Variants in FAAH2 observed in about 807,000 individuals in gnomAD.
FAAH2 encodes the protein fatty-acid amide hydrolase 2.
FAAH2 carries 60 observed loss-of-function variants against 36.9 expected under a neutral mutation model. The observed-to-expected ratio is 1.63, with a 90% CI of 1.32 to 2.02. FAAH2 has a LOEUF of 2.02. FAAH2 is among the 30% of genes most tolerant of loss of function. The pLI is 0.00. For missense variants in FAAH2, 689 were observed against 397.5 expected (o/e 1.73, Z -6.23); for synonymous variants, 214 against 143.8 (o/e 1.49, Z -3.49).
intron 7 of FAAH2, among the ~76,000 whole-genome samples, chrX:57,419,503 G>C (rs770735390): frequency 8.9e-6 from 1 of 112,200 alleles, no homozygotes; most frequent in African/African-American, 3.2e-5. Flanking sequence ...TTTTTTGGCA[G>C]CATAAATGTC....
intron 8 of FAAH2, 73 bp from the exon 9 acceptor site, chrX:57,446,855 C>T: frequency 1.5e-6 from 1 of 653,906 alleles, no homozygotes; most frequent in Non-Finnish European, 2.4e-6. Context: ...ATATATAAGT[C>T]TTGTATAGGT....
At chrX:57,415,965 T>C (rs755609917) in intron 7 of FAAH2, among the ~76,000 whole-genome samples, 6 of 111,964 alleles carry the variant, frequency 5.4e-5, no homozygotes, top group Non-Finnish European at 9.4e-5. Context: ...CATTTATCAC[T>C]TTATCATTAT....
chrX:57,470,678 G>T (rs950745888), intron 10 of FAAH2, among the ~76,000 whole-genome samples: 1 of 111,405 alleles, frequency 9.0e-6, no homozygotes, highest in Admixed American at 9.6e-5. Flanking sequence ...ACAAGGAGGA[G>T]CTGGTACCAT....
chrX:57,383,111 T>C (rs1297665316), intron 7 of FAAH2, among the ~76,000 whole-genome samples: 1 of 111,748 alleles, frequency 8.9e-6, no homozygotes, highest in East Asian at 2.8e-4. Context: ...AAAAGGCCTT[T>C]GACAAAATTT....
At chrX:57,169,869 AACAC>A in the FAAH2 span, among the ~76,000 whole-genome samples, 95 of 101,664 alleles carry the variant, frequency 9.3e-4, no homozygotes, top group Middle Eastern at 5.1e-3. Flanking sequence ...TCTCCTTCTA[AACAC>A]ACACACACAC....
chrX:57,328,284 T>C (rs1273603869), intron 3 of FAAH2, among the ~76,000 whole-genome samples: 1 of 111,348 alleles, frequency 9.0e-6, no homozygotes, highest in Non-Finnish European at 1.9e-5. Flanking sequence ...TACTCGGGGG[T>C]CAGGACCCAC....
intron 7 of FAAH2, among the ~76,000 whole-genome samples, chrX:57,381,881 A>G (rs1218376796): frequency 2.7e-5 from 3 of 111,818 alleles, no homozygotes; most frequent in Admixed American, 9.5e-5. Flanking sequence ...CATTCTTCTC[A>G]GCACCAAACC....
intron 8 of FAAH2, among the ~76,000 whole-genome samples, chrX:57,442,724 G>A (rs1438143714): frequency 2.7e-5 from 3 of 111,713 alleles, no homozygotes; most frequent in South Asian, 3.7e-4. Context: ...TTACAATTTG[G>A]CATGTTTTTG....
the FAAH2 span, among the ~76,000 whole-genome samples, chrX:57,181,858 T>C: frequency 6.2e-5 from 7 of 112,052 alleles, no homozygotes; most frequent in African/African-American, 1.9e-4. Flanking sequence ...CAAAACTGCA[T>C]GGTACTGGTA....
the FAAH2 span, chrX:57,137,068 C>G: frequency 1.2e-6 from 1 of 805,452 alleles, no homozygotes; most frequent in South Asian, 5.5e-5. Context: ...TTGTCTGGCT[C>G]CTATTCCTAC....
intron 3 of FAAH2, among the ~76,000 whole-genome samples, chrX:57,311,246 A>T (rs1479222275): frequency 1.8e-5 from 2 of 112,712 alleles, no homozygotes; most frequent in East Asian, 5.5e-4. Context: ...TAATAATATA[A>T]CAAAACTTAT....
chrX:57,466,830 G>A (rs563300718), intron 10 of FAAH2, among the ~76,000 whole-genome samples: 2 of 111,498 alleles, frequency 1.8e-5, no homozygotes, highest in African/African-American at 6.5e-5. Flanking sequence ...AGCATTAAGG[G>A]TGTGAAATAA....
chrX:57,222,476 G>A, the FAAH2 span, among the ~76,000 whole-genome samples: 1 of 111,830 alleles, frequency 8.9e-6, no homozygotes, highest in Non-Finnish European at 1.9e-5. Flanking sequence ...ACAGCTTAAA[G>A]CCACCATTCT....
chrX:57,462,939 G>A (rs1426097548), intron 10 of FAAH2, among the ~76,000 whole-genome samples: 1 of 111,499 alleles, frequency 9.0e-6, no homozygotes, highest in African/African-American at 3.3e-5. Flanking sequence ...ACTCTTTAAG[G>A]TGATAAGCAA....
intron 7 of FAAH2, among the ~76,000 whole-genome samples, chrX:57,403,860 T>G (rs1476506606): frequency 8.9e-6 from 1 of 112,575 alleles, no homozygotes; most frequent in Non-Finnish European, 1.9e-5. Flanking sequence ...GGAAATCTGC[T>G]GGGTTAACGG....
intron 7 of FAAH2, among the ~76,000 whole-genome samples, chrX:57,383,939 G>A (rs1034966929): frequency 8.9e-6 from 1 of 111,836 alleles, no homozygotes; most frequent in Admixed American, 9.4e-5. Flanking sequence ...GAAGACTACA[G>A]TAACCAAAAC....
At chrX:57,445,682 G>A (rs2056659384) in intron 8 of FAAH2, among the ~76,000 whole-genome samples, 1 of 111,844 alleles carries the variant, frequency 8.9e-6, no homozygotes, top group South Asian at 3.7e-4. Context: ...TTTTACTATA[G>A]CTACGCTGGT....
chrX:57,320,962 C>G (rs2053002896), intron 3 of FAAH2, among the ~76,000 whole-genome samples: 1 of 110,129 alleles, frequency 9.1e-6, no homozygotes, highest in South Asian at 4.0e-4. Context: ...CATGGTAAAA[C>G]CCCCGTCTCT....
intron 7 of FAAH2, among the ~76,000 whole-genome samples, chrX:57,399,753 A>T (rs928245173): frequency 8.9e-6 from 1 of 112,088 alleles, no homozygotes; most frequent in African/African-American, 3.3e-5. Context: ...CTTTCTCTCC[A>T]TATTGCTGCA....
Sources: gnomAD v4.1 joint callset for allele counts (sites outside exome capture counted in the v4.1 genomes callset) on GRCh38, gnomAD v4.1.1 for gene constraint, MANE v1.5 for transcripts, NCBI Gene and HGNC (gene_info 2026-07-23, HGNC 2026-07-21) for gene names.